Variants in CCDC7 observed in about 807,000 individuals in gnomAD.
The protein encoded by CCDC7 is coiled-coil domain-containing protein 7.
Under a neutral mutation model 196.9 loss-of-function variants are expected in CCDC7, and 183 were observed. The ratio of observed to expected loss-of-function variants is 0.93; its 90% CI spans 0.82 to 1.05. The LOEUF is 1.05. Ranked by LOEUF, CCDC7 falls within the 50% of genes least tolerant of loss-of-function variation. The probability of loss-of-function intolerance (pLI) is 0.00; values close to 1 mark genes in which losing one functional copy is unlikely to be tolerated. For synonymous variants in CCDC7, 525 were observed against 484.6 expected (o/e 1.08, Z -1.10); for missense variants, 1,540 against 1,482.2 (o/e 1.04, Z -0.64).
At chr10:32,832,030 C>T (rs1347534165) in intron 32 of CCDC7, among the ~76,000 whole-genome samples, 1 of 152,124 alleles carries the variant, frequency 6.6e-6, no homozygotes, top group East Asian at 1.9e-4. Flanking sequence ...TAATTCATTA[C>T]ATTAAGATGT....
At chr10:32,456,442 T>A in intron 3 of CCDC7, 108 bp downstream of exon 4, 1 of 831,846 alleles carries the variant, frequency 1.2e-6, no homozygotes, top group Non-Finnish European at 1.7e-6. Flanking sequence ...TTCAGTGTCT[T>A]AAGAAATTAT....
chr10:32,684,458 C>T (rs1429803060), intron 21 of CCDC7, among the ~76,000 whole-genome samples: 1 of 152,118 alleles, frequency 6.6e-6, no homozygotes, highest in East Asian at 1.9e-4. Context: ...CTCTCAAGCA[C>T]TCACTCTTTC....
chr10:32,529,823 T>G (rs2049337686), intron 11 of CCDC7, among the ~76,000 whole-genome samples: 1 of 152,152 alleles, frequency 6.6e-6, no homozygotes, highest in Non-Finnish European at 1.5e-5. Flanking sequence ...TGCTTTTGGG[T>G]TCTTGGTTAT....
chr10:32,707,058 G>A (rs2079904222), intron 24 of CCDC7, among the ~76,000 whole-genome samples: 1 of 152,178 alleles, frequency 6.6e-6, no homozygotes, highest in African/African-American at 2.4e-5. Context: ...GAACATCGAT[G>A]CAAAAATCCT....
In CCDC7 at chr10:32,617,680, T is replaced by G. The variant is rs143858400; in HGVS notation, c.1802-16574T>G. Among the ~76,000 whole-genome samples the G allele has an allele frequency of 1.6e-3, 250 of 152,092 alleles. 1 individual carries two copies. Among genetic ancestry groups the G allele is most frequent in the African/African-American group, 5.7e-3 (238 of 41,564 alleles). On this transcript the variant is annotated intron_variant, in intron 18 of 41. Coordinates refer to ENST00000639629, the Ensembl canonical transcript of CCDC7. ...TGATATGATTTCGATTTTTGAAAAT[T>G]TGTTAAAACTTGTTTTATGGCTTTG...
rs1042427386 is a variant in CCDC7, at chr10:32,514,144, A to G, written c.873-3801A>G. 8 of 152,336 alleles carry G rather than the reference A, an allele frequency of 5.3e-5. No individual in the cohort carries two copies. The South Asian group carries it at 8.3e-4, about 16-fold the overall frequency. The allele number at this position is 152,336 out of a possible 1,614,324, so 9.4% of individuals were successfully genotyped here. On this transcript the variant is annotated intron_variant, in intron 9 of 41. Coordinates refer to ENST00000639629, the Ensembl canonical transcript of CCDC7. ...TGAATTCATCAAGGCTGCAATATAC[A>G]TGATCAATAAACAAAAACAATTTGT...
intron 20 of CCDC7, among the ~76,000 whole-genome samples, chr10:32,661,087 G>T (rs781116111): frequency 1.4e-3 from 210 of 149,802 alleles, no homozygotes; most frequent in Non-Finnish European, 4.3e-4. Flanking sequence ...CTGACAAAGG[G>T]CTAATATCCA....
rs771826710 is a variant in CCDC7 at position 32,824,508 on chromosome 10, T to A, written c.3182-10T>A. The A allele has an allele frequency of 6.3e-7, 1 of 1,587,538 alleles. No homozygotes were observed. Among genetic ancestry groups the A allele is most frequent in the East Asian group, 2.2e-5 (1 of 44,588 alleles). On this transcript the variant is annotated splice_polypyrimidine_tract_variant and intron_variant, in intron 31 of 41. Coordinates refer to ENST00000639629, the Ensembl canonical transcript of CCDC7. ...AAAAAGTGTTTTGAAATCTGTTTACTTTTTTATAGAGACTGATGAACGATT... is the reference window on the plus strand; with the variant it reads ...AAAAAGTGTTTTGAAATCTGTTTACATTTTTATAGAGACTGATGAACGATT...
chr10:32,614,055 G>C (rs2062487215), intron 18 of CCDC7, among the ~76,000 whole-genome samples: 1 of 152,098 alleles, frequency 6.6e-6, no homozygotes, highest in African/African-American at 2.4e-5. Flanking sequence ...CTCTTTGTAG[G>C]CCTTTAAGAA....
chr10:32,577,926 G>A (rs561665762), intron 16 of CCDC7, among the ~76,000 whole-genome samples: 2 of 152,336 alleles, frequency 1.3e-5, no homozygotes, highest in South Asian at 4.1e-4. Context: ...GCAGTCACTG[G>A]CATGTGCCAC....
chr10:32,574,565 C>A, intron 16 of CCDC7: 1 of 1,206,772 alleles, frequency 8.3e-7, no homozygotes, highest in Non-Finnish European at 1.1e-6. Flanking sequence ...CTCTTTACAA[C>A]ATTTATCAGT....
At chr10:32,759,997 C>T (rs1484592574) in intron 28 of CCDC7, among the ~76,000 whole-genome samples, 1 of 152,114 alleles carries the variant, frequency 6.6e-6, no homozygotes, top group Non-Finnish European at 1.5e-5. Flanking sequence ...TGAAAAAATG[C>T]TCATCATCAC....
chr10:32,739,362 C>T (rs1218198502), intron 28 of CCDC7, among the ~76,000 whole-genome samples: 1 of 151,974 alleles, frequency 6.6e-6, no homozygotes, highest in African/African-American at 2.4e-5. Flanking sequence ...TTTCTAATGA[C>T]ACGTTTTCAA....
At chr10:32,598,462 C>T (rs891809487) in intron 18 of CCDC7, among the ~76,000 whole-genome samples, 6 of 152,320 alleles carry the variant, frequency 3.9e-5, no homozygotes, top group African/African-American at 7.2e-5. Flanking sequence ...CAGGGTGAGG[C>T]GATGCCCTGC....
At chr10:32,828,464 AGAGGAAGAGGAAGAG>A (rs1565633499) in intron 32 of CCDC7, among the ~76,000 whole-genome samples, 3 of 66,912 alleles carry the variant, frequency 4.5e-5, no homozygotes, top group African/African-American at 8.8e-5. Flanking sequence ...AAGAAGAAGA[AGAGGAAGAGGAAGAG>A]GAAGAGGAAG....
intron 20 of CCDC7, among the ~76,000 whole-genome samples, chr10:32,636,987 G>T (rs2065774189): frequency 6.6e-6 from 1 of 152,172 alleles, no homozygotes; most frequent in Admixed American, 6.5e-5. Context: ...CAGTGATGAT[G>T]AGCATTTTTT....
intron 25 of CCDC7, among the ~76,000 whole-genome samples, chr10:32,717,755 G>A (rs1361446291): frequency 6.6e-6 from 1 of 152,096 alleles, no homozygotes; most frequent in Non-Finnish European, 1.5e-5. Context: ...ACACCTTTAT[G>A]AAAATAAACT....
At chr10:32,505,146 ATTTT>A (rs56026767) in intron 9 of CCDC7, among the ~76,000 whole-genome samples, 1 of 150,956 alleles carries the variant, frequency 6.6e-6, no homozygotes, top group African/African-American at 2.4e-5. Context: ...CCCCTTTATA[ATTTT>A]TTTTATGCCC....
At chr10:32,610,725 A>G (rs577646727) in intron 18 of CCDC7, among the ~76,000 whole-genome samples, 2 of 152,270 alleles carry the variant, frequency 1.3e-5, no homozygotes, top group South Asian at 4.1e-4. Flanking sequence ...TTCCATCTTC[A>G]TCCATGTAAC....
Sources: allele counts gnomAD v4.1 joint callset (sites outside exome capture counted in the v4.1 genomes callset), GRCh38; gene constraint gnomAD v4.1.1; transcripts MANE v1.5; gene names NCBI Gene and HGNC (gene_info 2026-07-23, HGNC 2026-07-21).